STK3: variants seen among roughly 807,000 people sequenced by gnomAD.
STK3 encodes serine/threonine kinase 3.
STK3 carries 41 observed loss-of-function variants against 58.0 expected under a neutral mutation model. That is an observed-to-expected ratio of 0.71 (90% CI 0.55 to 0.92). The LOEUF (loss-of-function observed/expected upper bound fraction) is 0.92, where lower values mean the gene tolerates loss of function less well. STK3 is among the 40% of genes least tolerant of loss of function. The probability of loss-of-function intolerance (pLI) is 0.00; values close to 1 mark genes in which losing one functional copy is unlikely to be tolerated. For missense variants in STK3, 479 were observed against 602.7 expected, an observed-to-expected ratio of 0.79 and a Z score of 2.15; for synonymous variants, 170 against 191.0, an observed-to-expected ratio of 0.89 and a Z score of 0.91.
chr8:98,824,342 A>G (rs1474792760), intron 1 of STK3, among the ~76,000 whole-genome samples: 1 of 152,222 alleles, frequency 6.6e-6, no homozygotes, highest in Non-Finnish European at 1.5e-5. Context: ...ACCTATAATG[A>G]AACTCTGATA....
intron 6 of STK3, among the ~76,000 whole-genome samples, chr8:98,660,055 C>T (rs975623360): frequency 6.6e-6 from 1 of 151,632 alleles, no homozygotes; most frequent in African/African-American, 2.4e-5. Context: ...ATAAACAAAA[C>T]GTGGTATAAA....
At chr8:98,857,024 C>A (rs1836710299) in intron 3 of STK3, among the ~76,000 whole-genome samples, 1 of 151,956 alleles carries the variant, frequency 6.6e-6, no homozygotes, top group Non-Finnish European at 1.5e-5. Flanking sequence ...AAGAAAAAAC[C>A]TGGATTAATA....
chr8:98,749,435 G>T (rs748130038), intron 3 of STK3, 45 bp from the exon 4 acceptor site: 14 of 1,192,082 alleles, frequency 1.2e-5, no homozygotes, highest in Non-Finnish European at 1.5e-5. Context: ...AATTCCCAAA[G>T]AAATTTTTTT....
At chr8:98,600,531 T>C (rs1405111609) in intron 6 of STK3, among the ~76,000 whole-genome samples, 1 of 152,216 alleles carries the variant, frequency 6.6e-6, no homozygotes, top group Non-Finnish European at 1.5e-5. Flanking sequence ...AAAGTGAATG[T>C]CAAAATTAGA....
intron 9 of STK3, among the ~76,000 whole-genome samples, chr8:98,546,374 CA>C (rs1810702852): frequency 6.6e-6 from 1 of 152,026 alleles, no homozygotes; most frequent in African/African-American, 2.4e-5. Flanking sequence ...TATAAAGACT[CA>C]TTTTTCTTAA....
At chr8:98,825,350 G>A (rs1401646548) in intron 1 of STK3, among the ~76,000 whole-genome samples, 165 bp downstream of exon 1, 1 of 152,070 alleles carries the variant, frequency 6.6e-6, no homozygotes. Flanking sequence ...CCCCTCGCCC[G>A]TGGACAGACG....
chr8:98,897,288 G>T (rs542933418), intron 1 of STK3, among the ~76,000 whole-genome samples: 175 of 152,118 alleles, frequency 1.2e-3, no homozygotes, highest in Non-Finnish European at 1.9e-3. Flanking sequence ...CCGGGCGTGG[G>T]GGCTCACGCC....
rs570480187 is a variant in STK3 at position 98,700,296 on chromosome 8, C to T, written c.684+6171G>A. On this transcript the variant is annotated intron_variant, in intron 6 of 10. Transcript: ENST00000419617. Reference sequence around the variant, plus strand: ...CCCTTTCTTTGACTAGGAAAGGGAACTCCCTGACCCTTTGCACTTCCCGAG... The same window carrying T: ...CCCTTTCTTTGACTAGGAAAGGGAATTCCCTGACCCTTTGCACTTCCCGAG... Among the ~76,000 whole-genome samples, 33 of 152,316 alleles carry T rather than the reference C, an allele frequency of 2.2e-4. 1 individual carries two copies. In the East Asian group the frequency reaches 4.8e-3, roughly 22 times the overall value.
upstream of STK3, among the ~76,000 whole-genome samples, chr8:98,388,798 T>G (rs2131009835): frequency 6.6e-6 from 1 of 152,352 alleles, no homozygotes; most frequent in African/African-American, 2.4e-5. Context: ...TTGACAATAT[T>G]AAGAAATTGT....
intron 9 of STK3, among the ~76,000 whole-genome samples, chr8:98,533,104 T>C (rs1387548142): frequency 6.6e-6 from 1 of 152,212 alleles, no homozygotes; most frequent in Non-Finnish European, 1.5e-5. Flanking sequence ...CATTTGTCTG[T>C]CAATGAACAC....
the STK3 span, among the ~76,000 whole-genome samples, chr8:98,353,422 T>TCGAA: frequency 2.6e-5 from 4 of 152,180 alleles, no homozygotes; most frequent in African/African-American, 9.7e-5. Flanking sequence ...GCCAGGGATG[T>TCGAA]CGAGGCTGCA....
intron 4 of STK3, 87 bp from the exon 5 acceptor site, chr8:98,707,398 C>T (rs1826039962): frequency 9.6e-7 from 1 of 1,042,814 alleles, no homozygotes; most frequent in Admixed American, 2.8e-5. Flanking sequence ...GTATGTCTTT[C>T]CGTGTGTGTG....
chr8:98,927,766 A>G (rs908857822), intron 1 of STK3, among the ~76,000 whole-genome samples: 3 of 152,212 alleles, frequency 2.0e-5, no homozygotes, highest in African/African-American at 7.2e-5. Flanking sequence ...AACTATAATG[A>G]TCACATAACA....
intron 3 of STK3, among the ~76,000 whole-genome samples, chr8:98,852,503 A>G (rs1836510783): frequency 6.6e-6 from 1 of 152,186 alleles, no homozygotes; most frequent in Admixed American, 6.5e-5. Flanking sequence ...GTTAATAATA[A>G]ATCAAATAAT....
chr8:98,835,757 G>A (rs923764008), intron 3 of STK3, among the ~76,000 whole-genome samples: 1 of 152,236 alleles, frequency 6.6e-6, no homozygotes, highest in Non-Finnish European at 1.5e-5. Context: ...AGACACAGCT[G>A]TGTCCTCTTC....
intron 1 of STK3, among the ~76,000 whole-genome samples, chr8:98,908,593 C>T (rs887705930): frequency 6.6e-6 from 1 of 152,154 alleles, no homozygotes; most frequent in African/African-American, 2.4e-5. Context: ...CGCCTGTAGT[C>T]CCAGCACTTT....
chr8:98,938,338 G>A (rs185430150), intron 1 of STK3, among the ~76,000 whole-genome samples: 1 of 152,320 alleles, frequency 6.6e-6, no homozygotes, highest in Admixed American at 6.5e-5. Flanking sequence ...GAAGGTCCTA[G>A]AGAGAAAGTG....
At chr8:98,905,014 C>CT (rs747474511) in intron 1 of STK3, 10 of 797,930 alleles carry the variant, frequency 1.3e-5, no homozygotes, top group South Asian at 5.3e-5. Flanking sequence ...TAGTGGAGTG[C>CT]TGCATATGCA....
At chr8:98,783,231 G>A (rs1399293562) in intron 1 of STK3, among the ~76,000 whole-genome samples, 15 of 152,050 alleles carry the variant, frequency 9.9e-5, no homozygotes, top group Non-Finnish European at 2.9e-5. Flanking sequence ...ATATATAAAT[G>A]TTTACACTAT....
Sources: gnomAD v4.1 joint callset for allele counts (sites outside exome capture counted in the v4.1 genomes callset) on GRCh38, gnomAD v4.1.1 for gene constraint, MANE v1.5 for transcripts, NCBI Gene and HGNC (gene_info 2026-07-23, HGNC 2026-07-21) for gene names.